The following CSMD3 variants were observed in gnomAD, a reference collection of about 807,000 sequenced individuals.
The protein encoded by CSMD3 is CUB and sushi domain-containing protein 3.
CSMD3 carries 177 observed loss-of-function variants against 435.2 expected under a neutral mutation model. The observed-to-expected ratio is 0.41, with a 90% CI of 0.36 to 0.46. The LOEUF (loss-of-function observed/expected upper bound fraction) is 0.46, where lower values mean the gene tolerates loss of function less well. Among genes scored for constraint, CSMD3 ranks in the 20% least tolerant of loss-of-function variants. CSMD3 has a pLI of 0.34. For synonymous variants in CSMD3, 1,656 were observed against 1,520.5 expected (o/e 1.09, Z -2.07); for missense variants, 4,265 against 4,504.6 (o/e 0.95, Z 1.52).
chr8:112,770,409 C>G (rs2078083816), intron 13 of CSMD3, among the ~76,000 whole-genome samples: 1 of 152,034 alleles, frequency 6.6e-6, no homozygotes, highest in African/African-American at 2.4e-5. Context: ...GAAACAGATA[C>G]TTTATTCCCA....
chr8:112,851,234 TTTGA>T (rs2080476671), intron 11 of CSMD3, among the ~76,000 whole-genome samples: 1 of 152,114 alleles, frequency 6.6e-6, no homozygotes, highest in African/African-American at 2.4e-5. Flanking sequence ...ACAGCGTAAC[TTTGA>T]TTGAAGTCCC....
At chr8:112,921,803 A>G (rs2082752563) in intron 9 of CSMD3, 52 bp from the exon 10 acceptor site, 2 of 1,390,156 alleles carry the variant, frequency 1.4e-6, no homozygotes, top group Admixed American at 3.4e-5. Flanking sequence ...CAACATAATA[A>G]CTAGGCTTCA....
At chr8:113,309,277 C>G (rs1386120696) in intron 2 of CSMD3, 1 of 151,944 alleles carries the variant, frequency 6.6e-6, no homozygotes, top group South Asian at 2.1e-4. Flanking sequence ...ATGTGCAGGT[C>G]CATTACATGG....
intron 3 of CSMD3, among the ~76,000 whole-genome samples, chr8:113,198,695 A>G (rs1172706304): frequency 1.3e-5 from 2 of 151,322 alleles, no homozygotes. Context: ...AGATATTAAT[A>G]TGACTTAATC....
intron 22 of CSMD3, among the ~76,000 whole-genome samples, chr8:112,606,691 T>C (rs1832817646): frequency 6.6e-6 from 1 of 152,128 alleles, no homozygotes; most frequent in Non-Finnish European, 1.5e-5. Context: ...ACCAAGGACC[T>C]TTTTCAACTT....
At chr8:112,896,247 A>G (rs1213494287) in intron 10 of CSMD3, among the ~76,000 whole-genome samples, 1 of 151,390 alleles carries the variant, frequency 6.6e-6, no homozygotes. Flanking sequence ...CACAACTCTA[A>G]CATATCCCAG....
At chr8:113,400,160 AG>A (rs1402576843) in intron 1 of CSMD3, among the ~76,000 whole-genome samples, 1 of 151,996 alleles carries the variant, frequency 6.6e-6, no homozygotes, top group Non-Finnish European at 1.5e-5. Context: ...AAAAAGTAAA[AG>A]TTTTAGCCAG....
chr8:112,481,330 C>T (rs1819605024), intron 31 of CSMD3, among the ~76,000 whole-genome samples: 1 of 152,178 alleles, frequency 6.6e-6, no homozygotes, highest in Admixed American at 6.5e-5. Context: ...ATCTTAGAGA[C>T]ATTATAATAC....
intron 61 of CSMD3, among the ~76,000 whole-genome samples, chr8:112,263,119 A>G (rs1816583521): frequency 6.8e-6 from 1 of 146,418 alleles, no homozygotes; most frequent in African/African-American, 2.5e-5. Flanking sequence ...CTAGGTATAT[A>G]GTATACAGCA....
At chr8:112,357,199 G>A (rs889096425) in intron 38 of CSMD3, among the ~76,000 whole-genome samples, 3 of 152,140 alleles carry the variant, frequency 2.0e-5, no homozygotes, top group Non-Finnish European at 4.4e-5. Flanking sequence ...GTTGGGAACT[G>A]AAGCAAAGGT....
At chr8:112,982,187 T>C (rs1008145802) in intron 6 of CSMD3, among the ~76,000 whole-genome samples, 33 of 151,880 alleles carry the variant, frequency 2.2e-4, no homozygotes, top group African/African-American at 6.3e-4. Flanking sequence ...ATAGGTGTCA[T>C]TTTTAAATTT....
Position 112,556,972 on chromosome 8 carries a change from A to C in CSMD3, c.4043-18T>G, listed in dbSNP as rs772271719. 4.5e-5 allele frequency: 71 copies of C among 1,580,632 alleles called. No individual in the cohort carries two copies. Among genetic ancestry groups the C allele is most frequent in the Non-Finnish European group, 5.9e-5 (68 of 1,150,868 alleles). ...TTCAAAACCTGGGACAAAAATATAA[A>C]TTGATTAAAGGCAAAATTTAGGAGG... On this transcript the variant is annotated intron_variant, in intron 24 of 70. Transcript: ENST00000297405.
At chr8:112,793,145 A>G (rs2078733771) in intron 13 of CSMD3, among the ~76,000 whole-genome samples, 1 of 147,768 alleles carries the variant, frequency 6.8e-6, no homozygotes, top group Non-Finnish European at 1.5e-5. Context: ...TTAATATATT[A>G]CATATTAAAT....
chr8:112,273,738 A>C (rs1817749830), intron 59 of CSMD3, among the ~76,000 whole-genome samples: 1 of 151,194 alleles, frequency 6.6e-6, no homozygotes, highest in Non-Finnish European at 1.5e-5. Context: ...AAAAAAAAAA[A>C]AAAAATTGAG....
intron 5 of CSMD3, among the ~76,000 whole-genome samples, chr8:113,029,218 A>G (rs1028792841): frequency 5.3e-5 from 8 of 151,664 alleles, no homozygotes; most frequent in African/African-American, 1.9e-4. Context: ...GAATTGGTGC[A>G]AATTATTTTG....
chr8:112,758,476 A>G (rs1230784733), intron 13 of CSMD3, among the ~76,000 whole-genome samples: 1 of 152,208 alleles, frequency 6.6e-6, no homozygotes, highest in African/African-American at 2.4e-5. Flanking sequence ...TAAGTCACAA[A>G]ATATAGCTAA....
chr8:112,972,630 T>C lies in CSMD3; in HGVS notation c.1342+3207A>G, dbSNP rs1348195192. Among the ~76,000 whole-genome samples, 3 of 151,960 alleles carry C rather than the reference T, an allele frequency of 2.0e-5. No homozygotes were observed. The East Asian group carries it at 5.8e-4, about 29-fold the overall frequency. On this transcript the variant is annotated intron_variant, in intron 7 of 70. Transcript: ENST00000297405. ...TGTAGTTATCTTTAATACTGAAATA[T>C]GTAGAGATTTCATTATCTTGAAGAA...
chr8:113,341,539 A>G (rs950897224), intron 1 of CSMD3, among the ~76,000 whole-genome samples: 21 of 152,176 alleles, frequency 1.4e-4, no homozygotes, highest in African/African-American at 4.6e-4. Context: ...GTTAAGTTCT[A>G]GAATCTAATG....
At chr8:112,631,234 T>C (rs1193752692) in intron 22 of CSMD3, among the ~76,000 whole-genome samples, 1 of 152,162 alleles carries the variant, frequency 6.6e-6, no homozygotes, top group Non-Finnish European at 1.5e-5. Context: ...ATTATTGTTT[T>C]TGTAAATAAA....
Sources: gnomAD v4.1 joint callset for allele counts (sites outside exome capture counted in the v4.1 genomes callset) on GRCh38, gnomAD v4.1.1 for gene constraint, MANE v1.5 for transcripts, NCBI Gene and HGNC (gene_info 2026-07-23, HGNC 2026-07-21) for gene names.